The following TH variants were observed in gnomAD, a reference collection of about 807,000 sequenced individuals.
TH encodes the protein tyrosine 3-monooxygenase.
Under a neutral mutation model 57.4 loss-of-function variants are expected in TH, and 49 were observed. The observed-to-expected ratio is 0.85, with a 90% CI of 0.68 to 1.08. TH has a LOEUF of 1.08. TH is among the 50% of genes least tolerant of loss of function. TH has a pLI of 0.00. For synonymous variants in TH, 330 were observed against 304.5 expected (o/e 1.08, Z -0.87); for missense variants, 720 against 696.7 (o/e 1.03, Z -0.38).
At position 2,168,479 on chromosome 11, in the gene TH, A is replaced by G. The variant is rs2133697172; in HGVS notation, c.487+12T>C. On this transcript the variant is annotated intron_variant, in intron 3 of 12. Transcript: ENST00000352909. ...TCATTTGGTGGCCCTCAAGGACAGA[A>G]AACCGCCTCACCCTTGGGCCCCGCG... The G allele has an allele frequency of 1.2e-6, 2 of 1,612,090 alleles. No homozygotes were observed. Among genetic ancestry groups the G allele is most frequent in the Non-Finnish European group, 1.7e-6 (2 of 1,179,772 alleles).
At chr11:2,168,009 G>T (rs1305182995) in intron 4 of TH, 76 bp from the exon 5 acceptor site, 2 of 1,608,932 alleles carry the variant, frequency 1.2e-6, no homozygotes, top group Admixed American at 1.7e-5. Context: ...TCCTGGAGCC[G>T]ACAGACTCCT....
In TH at chr11:2,170,893, C is replaced by A; in HGVS notation, c.90+804G>T. 1 of 610,628 alleles carries A rather than the reference C, an allele frequency of 1.6e-6. No individual in the cohort carries two copies. The highest frequency in any genetic ancestry group is 1.9e-5 in the South Asian group (1 of 51,434). The allele number at this position is 610,628 out of a possible 1,614,324, so 37.8% of individuals were successfully genotyped here. On this transcript the variant is annotated intron_variant, in intron 1 of 12. Coordinates refer to ENST00000352909, the MANE Select transcript of TH (RefSeq NM_000360.4). This position sits in a 1 kb window ranked among gnomAD's most constrained non-coding sequence, Gnocchi z 6.0. Reference sequence around the variant, plus strand: ...GGAAATGACACTGCTACAACTCACACCACATTTCAATCAAGGTCCATAAAT... The same window carrying A: ...GGAAATGACACTGCTACAACTCACAACACATTTCAATCAAGGTCCATAAAT...
At position 2,167,004 on chromosome 11, in the gene TH, G is replaced by T; in HGVS notation, c.724C>A (p.Leu242Ile). 1.3e-6 allele frequency: 2 copies of T among 1,588,482 alleles called. No individual in the cohort carries two copies. The change falls in exon 7 of 13, where the codon CTC becomes ATC. Residue 242 changes from leucine to isoleucine, a missense_variant. Leu to Ile is a conservative substitution (Grantham distance 5, BLOSUM62 2). Transcript: ENST00000352909. ...TCCCCGCAGGCGTGCGTGGCGTAGA[G>T]GCCCTTCAGCGTGGTGTAGACCTCC... is the stretch of plus-strand genomic sequence containing the variant. ...WKEVYTTLKG[L>I]YATHACGEHL...
At position 2,170,474 on chromosome 11, in the gene TH, C is replaced by T. The variant is rs1272083973; in HGVS notation, c.91-603G>A. ...TAGCTCTGGGCGCAGGTGTCTCTCC[C>T]TGGGCTCAGCGCCTCTGACCCCTCG... On this transcript the variant is annotated intron_variant, in intron 1 of 12. Coordinates refer to ENST00000352909, the MANE Select transcript of TH (RefSeq NM_000360.4). This position sits in a 1 kb window ranked among gnomAD's most constrained non-coding sequence, Gnocchi z 6.0. 2.0e-5 allele frequency among the ~76,000 whole-genome samples: 3 copies of T among 152,142 alleles called. No homozygotes were observed. Among genetic ancestry groups the T allele is most frequent in the Non-Finnish European group, 4.4e-5 (3 of 68,010 alleles).
Position 2,171,283 on chromosome 11 carries a change from A to G in TH, c.90+414T>C, listed in dbSNP as rs959934404. Among the ~76,000 whole-genome samples, 2 of 151,514 alleles carry G rather than the reference A, an allele frequency of 1.3e-5. No individual in the cohort carries two copies. The highest frequency in any genetic ancestry group is 6.6e-5 in the Admixed American group (1 of 15,224). The stretch of plus-strand genomic sequence containing the variant: ...AGGCAGGCTGGTTGGGGTGCTGACT[A>G]GGGCAGCTGGGGCAGAGGGAGGCAG... On this transcript the variant is annotated intron_variant, in intron 1 of 12. Coordinates refer to ENST00000352909, the MANE Select transcript of TH (RefSeq NM_000360.4). This position sits in a 1 kb window ranked among gnomAD's most constrained non-coding sequence, Gnocchi z 8.6.
At chr11:2,166,200 TCCGCACCTCCA>T in intron 9 of TH, 142 bp from the exon 10 acceptor site, 7 of 1,008,410 alleles carry the variant, frequency 6.9e-6, no homozygotes, top group Non-Finnish European at 1.1e-5. Context: ...CCGCCCAGGA[TCCGCACCTCCA>T]CCGGGCCTCC....
intron 11 of TH, 56 bp downstream of exon 11, chr11:2,165,612 C>G (rs1358957658): frequency 1.3e-6 from 2 of 1,578,868 alleles, no homozygotes; most frequent in Non-Finnish European, 1.7e-6. Context: ...CCCCTCCCTG[C>G]ACCGTCCCCC....
Position 2,168,553 on chromosome 11 carries a change from G to A in TH, c.425C>T (p.Ala142Val). 1.2e-6 allele frequency: 2 copies of A among 1,611,970 alleles called. No homozygotes were observed. The highest frequency in any genetic ancestry group is 1.7e-6 in the Non-Finnish European group (2 of 1,179,696). The part of the protein sequence containing the change: ...VRLEVRRGDL[A>V]ALLSGVRQVS... ...CTGGCGCACACCACTGAGCAGGGCG[G>A]CCAGGTCCCCTCGGCGCACCTCGAG... The change falls in exon 3 of 13, where the codon GCC becomes GTC. Residue 142 changes from alanine (A) to valine (V), a missense_variant. Physicochemically the swap from Ala to Val is moderately conservative, Grantham distance 64. Coordinates refer to ENST00000352909, the MANE Select transcript of TH (RefSeq NM_000360.4).
intron 11 of TH, 116 bp from the exon 12 acceptor site, chr11:2,165,481 C>G: frequency 6.6e-7 from 1 of 1,518,096 alleles, no homozygotes; most frequent in Non-Finnish European, 9.0e-7. Flanking sequence ...CCATCTCCCC[C>G]GCCGGGCCTT....
chr11:2,164,369 C>T lies in TH; in HGVS notation c.1358G>A (p.Arg453His), dbSNP rs759599321. 72 of 1,549,510 alleles carry T rather than the reference C, an allele frequency of 4.6e-5. 1 individual carries two copies. Among genetic ancestry groups the T allele is most frequent in the African/African-American group, 4.0e-4 (29 of 71,962 alleles). ...KLRSYASRIQRPFSVKFDPYT... is the reference protein window; with the variant it reads ...KLRSYASRIQHPFSVKFDPYT... ...CGGGTCGAACTTCACGGAGAAGGGG[C>T]GCTGGATGCGTGAGGCATAGCTCCT... Residue 453 changes from arginine to histidine, a missense_variant, in exon 13 of 13, where the codon CGC (arginine) becomes CAC (histidine). Physicochemically the swap from Arg to His is conservative, Grantham distance 29 (BLOSUM62 0). Transcript: ENST00000352909.
chr11:2,167,271 C>G lies in TH; in HGVS notation c.695+164G>C. ...GGGGATGGCCCGACAGGATGGGTAG[C>G]CTCTTCCTCCCAACCCAACATTCTG... On this transcript the variant is annotated intron_variant, in intron 6 of 12. Transcript: ENST00000352909. 5.1e-6 allele frequency: 5 copies of G among 979,694 alleles called. No homozygotes were observed. In the Admixed American group the frequency reaches 8.5e-5, roughly 17 times the overall value. 60.7% of individuals were successfully genotyped at this position (979,694 alleles called of 1,614,324 possible).
Position 2,170,459 on chromosome 11 carries a change from C to T in TH, c.91-588G>A, listed in dbSNP as rs938891755. On this transcript the variant is annotated intron_variant, in intron 1 of 12. Transcript: ENST00000352909. The surrounding 1 kb of genome is among the most constrained non-coding windows in gnomAD (Gnocchi z 6.0). ...CTCCACCCTTTGTCATAGCTCTGGG[C>T]GCAGGTGTCTCTCCCTGGGCTCAGC... Among the ~76,000 whole-genome samples the T allele has an allele frequency of 5.3e-5, 8 of 152,166 alleles. No homozygotes were observed. The highest frequency in any genetic ancestry group is 1.0e-4 in the Non-Finnish European group (7 of 68,024).
rs771557485 is a variant in TH at position 2,166,993 on chromosome 11, C to T, written c.735G>A (p.Thr245=). The change falls in exon 7 of 13, where the codon ACG becomes ACA. Residue 245 remains threonine (T), a synonymous_variant. Coordinates refer to ENST00000352909, the MANE Select transcript of TH (RefSeq NM_000360.4). ...CCTCCAGGTGCTCCCCGCAGGCGTGCGTGGCGTAGAGGCCCTTCAGCGTGG... is the reference window on the plus strand; with the variant it reads ...CCTCCAGGTGCTCCCCGCAGGCGTGTGTGGCGTAGAGGCCCTTCAGCGTGG... ...VYTTLKGLYA[T]HACGEHLEAF... is the part of the protein sequence containing the mutation. 6.3e-7 allele frequency: 1 copy of T among 1,589,854 alleles called. No individual in the cohort carries two copies. The highest frequency in any genetic ancestry group is 1.8e-5 in the Admixed American group (1 of 56,896).
Position 2,169,857 on chromosome 11 carries a change from A to C in TH, c.105T>G (p.Ile35Met). 1 of 1,609,780 alleles carries C rather than the reference A, an allele frequency of 6.2e-7. No homozygotes were observed. Among genetic ancestry groups the C allele is most frequent in the Non-Finnish European group, 8.5e-7 (1 of 1,179,456 alleles). ...CCTCGATGAGGCTCTGCCTGCGCCCAATGAACCGCGGGGACTGTGGGGACA... is the reference window on the plus strand; with the variant it reads ...CCTCGATGAGGCTCTGCCTGCGCCCCATGAACCGCGGGGACTGTGGGGACA... ...QAEAIMSPRF[I>M]GRRQSLIEDA... Residue 35 changes from isoleucine to methionine, a missense_variant, in exon 2 of 13, where the codon ATT becomes ATG. Physicochemically the swap from Ile to Met is conservative, Grantham distance 10. Transcript: ENST00000352909.
At chr11:2,166,127 G>C (rs866170820) in intron 9 of TH, 69 bp from the exon 10 acceptor site, 14 of 1,508,670 alleles carry the variant, frequency 9.3e-6, no homozygotes, top group Non-Finnish European at 1.3e-5. Context: ...GGGGCACCGG[G>C]GGTGTCAGCA....
intron 2 of TH, among the ~76,000 whole-genome samples, chr11:2,169,098 C>A (rs547536915): frequency 6.6e-6 from 1 of 152,320 alleles, no homozygotes; most frequent in East Asian, 1.9e-4. Context: ...GCTCCACCCC[C>A]ACCTCCTGTT....
intron 12 of TH, among the ~76,000 whole-genome samples, chr11:2,164,790 A>C (rs1432625028): frequency 1.3e-5 from 2 of 152,052 alleles, no homozygotes; most frequent in African/African-American, 4.8e-5. Context: ...ACCTTTTATG[A>C]GGATGAGGCT....
chr11:2,170,297 C>T lies in TH; in HGVS notation c.91-426G>A, dbSNP rs1402752543. ...TCAGGAAGGAGCTGCCCCCACAGGG[C>T]CCCAGTGAACAACCCCCCTACCCTC... On this transcript the variant is annotated intron_variant, in intron 1 of 12. Transcript: ENST00000352909. This position sits in a 1 kb window ranked among gnomAD's most constrained non-coding sequence, Gnocchi z 6.0. 2.0e-5 allele frequency among the ~76,000 whole-genome samples: 3 copies of T among 152,102 alleles called. No individual in the cohort carries two copies. The highest frequency in any genetic ancestry group is 4.4e-5 in the Non-Finnish European group (3 of 67,984).
intron 2 of TH, 49 bp from the exon 3 acceptor site, chr11:2,168,714 A>T (rs1020889266): frequency 4.1e-6 from 2 of 491,596 alleles, no homozygotes; most frequent in Non-Finnish European, 3.4e-6. Flanking sequence ...AGAGACAGAG[A>T]TGGAGAGAGA....
Sources: allele counts gnomAD v4.1 joint callset (sites outside exome capture counted in the v4.1 genomes callset), GRCh38; gene constraint gnomAD v4.1.1; non-coding constraint Gnocchi (gnomAD v3.1); transcripts MANE v1.5; gene names NCBI Gene and HGNC (gene_info 2026-07-23, HGNC 2026-07-21).